NFIA: variants seen among roughly 807,000 people sequenced by gnomAD.
NFIA encodes nuclear factor 1 A-type.
Under a neutral mutation model 62.8 loss-of-function variants are expected in NFIA, and 8 were observed. The ratio of observed to expected loss-of-function variants is 0.13; its 90% CI spans 0.07 to 0.23. NFIA has a LOEUF of 0.23. Ranked by LOEUF, NFIA falls within the 10% of genes least tolerant of loss-of-function variation. The pLI, the probability that NFIA is intolerant of heterozygous loss-of-function variation, is 1.00. For missense variants in NFIA, 410 were observed against 642.1 expected (o/e 0.64, Z 3.91); for synonymous variants, 235 against 238.1 (o/e 0.99, Z 0.12).
intron 3 of NFIA, among the ~76,000 whole-genome samples, chr1:61,329,568 A>C (rs1398047039): frequency 2.0e-5 from 3 of 151,668 alleles, no homozygotes; most frequent in Non-Finnish European, 4.4e-5. Context: ...TTTTCAGTAG[A>C]GACGGGTTTC....
At chr1:61,243,568 T>C (rs568609451) in intron 2 of NFIA, among the ~76,000 whole-genome samples, 15 of 152,306 alleles carry the variant, frequency 9.8e-5, no homozygotes, top group African/African-American at 2.6e-4. Flanking sequence ...TTCTATTACA[T>C]ATTCATTGAT....
At chr1:61,131,516 C>G (rs1647079264) in intron 2 of NFIA, among the ~76,000 whole-genome samples, 1 of 152,104 alleles carries the variant, frequency 6.6e-6, no homozygotes, top group Non-Finnish European at 1.5e-5. Flanking sequence ...GTCTAAGCTA[C>G]AGACATATTT....
chr1:61,164,759 C>A (rs1201578150), intron 2 of NFIA, among the ~76,000 whole-genome samples: 3 of 152,044 alleles, frequency 2.0e-5, no homozygotes, highest in African/African-American at 7.2e-5. Flanking sequence ...CACGTCCAGC[C>A]AAATGTCTCA....
intron 2 of NFIA, among the ~76,000 whole-genome samples, chr1:61,252,515 C>T (rs1656109343): frequency 6.6e-6 from 1 of 152,276 alleles, no homozygotes; most frequent in South Asian, 2.1e-4. Context: ...TGTCAGATTA[C>T]ATGTCAGTGA....
intron 2 of NFIA, among the ~76,000 whole-genome samples, chr1:61,232,837 T>A (rs1654761343): frequency 6.6e-6 from 1 of 152,178 alleles, no homozygotes; most frequent in Non-Finnish European, 1.5e-5. Context: ...TCCAAGAAAC[T>A]CTCTGTGGGT....
chr1:61,196,452 T>G (rs1295202422), intron 2 of NFIA, among the ~76,000 whole-genome samples: 1 of 152,202 alleles, frequency 6.6e-6, no homozygotes, highest in African/African-American at 2.4e-5. Flanking sequence ...ATATTTTCTT[T>G]TAGTTTTCTC....
chr1:61,317,747 T>G (rs887617560), intron 3 of NFIA, among the ~76,000 whole-genome samples: 2 of 152,114 alleles, frequency 1.3e-5, no homozygotes, highest in Non-Finnish European at 2.9e-5. Context: ...ATTTCTTAAT[T>G]TTTTCTGTTA....
intron 2 of NFIA, among the ~76,000 whole-genome samples, chr1:61,260,929 A>C (rs2100238455): frequency 6.6e-6 from 1 of 152,280 alleles, no homozygotes; most frequent in Admixed American, 6.5e-5. Flanking sequence ...ATGATTTGTA[A>C]TATTGTAATC....
intron 2 of NFIA, among the ~76,000 whole-genome samples, chr1:61,235,827 GAAAAA>G (rs1307673731): frequency 1.3e-5 from 2 of 148,366 alleles, no homozygotes; most frequent in Admixed American, 6.7e-5. Flanking sequence ...AAAAAAAAAA[GAAAAA>G]GAAAAAGAAA....
chr1:61,315,715 T>G (rs771824627), intron 3 of NFIA, among the ~76,000 whole-genome samples: 3 of 152,252 alleles, frequency 2.0e-5, no homozygotes, highest in Non-Finnish European at 4.4e-5. Context: ...TTATGTAGCC[T>G]GTTGTTGCTT....
chr1:61,257,866 T>TC (rs1557666280), intron 2 of NFIA, among the ~76,000 whole-genome samples: 2 of 144,760 alleles, frequency 1.4e-5, no homozygotes, highest in Admixed American at 1.4e-4. Context: ...TAGCTGTTTT[T>TC]TTTTTTTTTT....
At chr1:61,195,109 A>G (rs746853489) in intron 2 of NFIA, among the ~76,000 whole-genome samples, 1 of 152,208 alleles carries the variant, frequency 6.6e-6, no homozygotes, top group Non-Finnish European at 1.5e-5. Context: ...CATGGTAACC[A>G]GGAATCTATA....
chr1:61,227,338 G>A (rs1654395924), intron 2 of NFIA, among the ~76,000 whole-genome samples: 1 of 151,242 alleles, frequency 6.6e-6, no homozygotes, highest in Non-Finnish European at 1.5e-5. Context: ...TGGTTGAGCT[G>A]TTTCATAATT....
chr1:61,193,567 T>G (rs529434350), intron 2 of NFIA, among the ~76,000 whole-genome samples: 1 of 152,240 alleles, frequency 6.6e-6, no homozygotes. Flanking sequence ...GCAAAATTCA[T>G]TGTAGGTGCC....
At chr1:61,217,324 T>A (rs1653696841) in intron 2 of NFIA, among the ~76,000 whole-genome samples, 1 of 151,948 alleles carries the variant, frequency 6.6e-6, no homozygotes, top group South Asian at 2.1e-4. Context: ...CACCTTGGCC[T>A]CCCAAAGTGC....
At chr1:61,158,541 C>T (rs1648966218) in intron 2 of NFIA, among the ~76,000 whole-genome samples, 3 of 152,104 alleles carry the variant, frequency 2.0e-5, no homozygotes. Flanking sequence ...TACATCTTAC[C>T]ATGTTGAATT....
At chr1:61,078,360 G>T (rs1646057524), upstream of NFIA, among the ~76,000 whole-genome samples, 1 of 151,634 alleles carries the variant, frequency 6.6e-6, no homozygotes, top group Admixed American at 6.6e-5. Context: ...AAATAACTTT[G>T]TATTGTTATT....
chr1:61,252,547 A>G (rs1319118551), intron 2 of NFIA, among the ~76,000 whole-genome samples: 3 of 152,228 alleles, frequency 2.0e-5, no homozygotes, highest in African/African-American at 7.2e-5. Context: ...AAGATGAGAG[A>G]AGGTTGTAAA....
At chr1:61,221,536 G>A (rs1040322056) in intron 2 of NFIA, among the ~76,000 whole-genome samples, 3 of 152,104 alleles carry the variant, frequency 2.0e-5, no homozygotes, top group African/African-American at 4.8e-5. Context: ...TGTAAAAGCT[G>A]TATTTTATAG....
Sources: allele counts gnomAD v4.1 joint callset (sites outside exome capture counted in the v4.1 genomes callset), GRCh38; gene constraint gnomAD v4.1.1; transcripts MANE v1.5; gene names NCBI Gene and HGNC (gene_info 2026-07-23, HGNC 2026-07-21).